The following KIAA1217 variants were observed in gnomAD, a reference collection of about 807,000 sequenced individuals.
KIAA1217 encodes the protein sickle tail protein homolog.
KIAA1217 carries 88 observed loss-of-function variants against 163.9 expected under a neutral mutation model. That is an observed-to-expected ratio of 0.54 (90% CI 0.45 to 0.64). The LOEUF is 0.64. Among genes scored for constraint, KIAA1217 ranks in the 30% least tolerant of loss-of-function variants. KIAA1217 has a pLI of 0.00. For missense variants in KIAA1217, 2,372 were observed against 2,475.0 expected (o/e 0.96, Z 0.88); for synonymous variants, 903 against 923.1 (o/e 0.98, Z 0.39).
intron 1 of KIAA1217, among the ~76,000 whole-genome samples, chr10:23,897,718 A>G (rs1173311082): frequency 6.6e-6 from 1 of 152,058 alleles, no homozygotes; most frequent in Non-Finnish European, 1.5e-5. Context: ...GAATGATATC[A>G]GTGGAACCAT....
At chr10:24,359,879 C>T (rs1024075595) in intron 2 of KIAA1217, among the ~76,000 whole-genome samples, 2 of 151,834 alleles carry the variant, frequency 1.3e-5, no homozygotes. Flanking sequence ...CACAAGGCTA[C>T]GTAATTTTAT....
chr10:24,198,217 T>C (rs1005891520), intron 2 of KIAA1217, among the ~76,000 whole-genome samples: 8 of 152,254 alleles, frequency 5.3e-5, no homozygotes, highest in African/African-American at 1.7e-4. Flanking sequence ...ACTGCCCTTC[T>C]CTTCCCCACT....
chr10:24,474,602 G>T (rs1269081223), intron 6 of KIAA1217, among the ~76,000 whole-genome samples: 2 of 152,168 alleles, frequency 1.3e-5, no homozygotes, highest in African/African-American at 2.4e-5. Flanking sequence ...AAATAGAATG[G>T]CTTAGATTTA....
intron 2 of KIAA1217, among the ~76,000 whole-genome samples, chr10:24,285,426 T>C (rs1268463697): frequency 6.6e-6 from 1 of 152,184 alleles, no homozygotes; most frequent in African/African-American, 2.4e-5. Context: ...AGAGATCCAG[T>C]TTCATTCCTC....
chr10:24,492,057 A>T (rs548627111), intron 6 of KIAA1217, among the ~76,000 whole-genome samples: 91 of 152,216 alleles, frequency 6.0e-4, no homozygotes, highest in African/African-American at 2.1e-3. Context: ...TTACTCCAGC[A>T]CCACTGCGGA....
intron 5 of KIAA1217, among the ~76,000 whole-genome samples, chr10:24,458,157 G>A (rs1437113182): frequency 6.6e-6 from 1 of 152,248 alleles, no homozygotes; most frequent in Non-Finnish European, 1.5e-5. Flanking sequence ...GGCATGTACA[G>A]CTCCCAAACT....
intron 1 of KIAA1217, among the ~76,000 whole-genome samples, chr10:23,863,086 T>G (rs10828559): frequency 0.15 from 22,379 of 152,180 alleles, 2,068 homozygotes; most frequent in Middle Eastern, 0.21. Flanking sequence ...TTCCAGTCAT[T>G]TTGGCCCTGT....
At chr10:23,919,008 G>T (rs1322950790) in intron 1 of KIAA1217, among the ~76,000 whole-genome samples, 1 of 152,070 alleles carries the variant, frequency 6.6e-6, no homozygotes, top group Non-Finnish European at 1.5e-5. Flanking sequence ...GGGTCATGTG[G>T]ACAGGCATTG....
chr10:24,066,009 C>T (rs1285464773), intron 2 of KIAA1217, among the ~76,000 whole-genome samples: 5 of 151,272 alleles, frequency 3.3e-5, no homozygotes, highest in African/African-American at 4.9e-5. Context: ...ATCTTCCTCC[C>T]TCCCTTTATT....
chr10:23,748,898 A>C (rs998563871), intron 1 of KIAA1217, among the ~76,000 whole-genome samples: 2 of 152,120 alleles, frequency 1.3e-5, no homozygotes, highest in Non-Finnish European at 2.9e-5. Flanking sequence ...CAGTGTCTTA[A>C]AAAATGATCC....
At chr10:23,750,097 C>G (rs1444531633) in intron 1 of KIAA1217, among the ~76,000 whole-genome samples, 7 of 152,140 alleles carry the variant, frequency 4.6e-5, no homozygotes, top group Admixed American at 4.6e-4. Flanking sequence ...TGGCCATCAT[C>G]ATCTACTACC....
intron 1 of KIAA1217, among the ~76,000 whole-genome samples, chr10:23,748,942 C>T (rs1839576471): frequency 6.6e-6 from 1 of 152,156 alleles, no homozygotes; most frequent in Non-Finnish European, 1.5e-5. Context: ...CTCTTGACTT[C>T]CTCAATACTA....
At chr10:23,905,716 T>C (rs901623625) in intron 1 of KIAA1217, among the ~76,000 whole-genome samples, 1 of 152,106 alleles carries the variant, frequency 6.6e-6, no homozygotes, top group African/African-American at 2.4e-5. Flanking sequence ...AGTTGAGGAC[T>C]ATATCATTCA....
At chr10:24,528,326 T>G in intron 14 of KIAA1217, among the ~76,000 whole-genome samples, 1 of 151,034 alleles carries the variant, frequency 6.6e-6, no homozygotes, top group South Asian at 2.1e-4. Flanking sequence ...TTTTTTGTTT[T>G]TTTTTTTGTT....
chr10:24,186,633 G>C (rs1165197794), intron 2 of KIAA1217, among the ~76,000 whole-genome samples: 1 of 152,086 alleles, frequency 6.6e-6, no homozygotes, highest in African/African-American at 2.4e-5. Flanking sequence ...GCTCACCCCT[G>C]TAATCCCACC....
intron 1 of KIAA1217, among the ~76,000 whole-genome samples, chr10:23,724,452 T>G (rs1437535522): frequency 1.3e-5 from 2 of 152,238 alleles, no homozygotes; most frequent in African/African-American, 4.8e-5. Flanking sequence ...CAATTTTCTA[T>G]ATTTCTTATG....
intron 2 of KIAA1217, among the ~76,000 whole-genome samples, chr10:24,275,049 C>T (rs570452334): frequency 1.3e-5 from 2 of 152,260 alleles, no homozygotes; most frequent in South Asian, 4.1e-4. Flanking sequence ...GTGATCTTCC[C>T]ACCTCAGCCT....
intron 2 of KIAA1217, among the ~76,000 whole-genome samples, chr10:24,362,575 TACAA>T (rs1387856881): frequency 1.3e-5 from 2 of 152,238 alleles, no homozygotes; most frequent in Non-Finnish European, 2.9e-5. Context: ...CAATTTGTAA[TACAA>T]AGAGCTTTTC....
intron 2 of KIAA1217, among the ~76,000 whole-genome samples, chr10:24,031,281 T>C (rs969568350): frequency 6.6e-6 from 1 of 152,168 alleles, no homozygotes; most frequent in African/African-American, 2.4e-5. Context: ...ATTTCTCTAA[T>C]GATTAGTGAC....
Sources: allele counts gnomAD v4.1 joint callset (sites outside exome capture counted in the v4.1 genomes callset), GRCh38; gene constraint gnomAD v4.1.1; transcripts MANE v1.5; gene names NCBI Gene and HGNC (gene_info 2026-07-23, HGNC 2026-07-21).